The following MAPK10 variants were observed in gnomAD, a reference collection of about 807,000 sequenced individuals.
The protein encoded by MAPK10 is JNK3 alpha protein kinase.
Under a neutral mutation model 59.3 loss-of-function variants are expected in MAPK10, and 25 were observed. That is an observed-to-expected ratio of 0.42 (90% CI 0.31 to 0.59). The LOEUF (loss-of-function observed/expected upper bound fraction) is 0.59. Among genes scored for constraint, MAPK10 ranks in the 20% least tolerant of loss-of-function variants. The pLI is 0.15. For missense variants in MAPK10, 351 were observed against 568.9 expected, an observed-to-expected ratio of 0.62 and a Z score of 3.90; for synonymous variants, 190 against 200.5, an observed-to-expected ratio of 0.95 and a Z score of 0.44.
At position 86,269,608 on chromosome 4, in the gene MAPK10, C is replaced by T. The variant is rs149475781; in HGVS notation, c.-6-75201G>A. ...CCAGCCTCCTTCATTTATTAATTCA[C>T]ATTATTTTTTCCTCCCTGTCTCTAC... On this transcript the variant is annotated intron_variant, in intron 2 of 13. Coordinates refer to ENST00000641462, the MANE Select transcript of MAPK10 (RefSeq NM_138982.4). Among the ~76,000 whole-genome samples, 38 of 152,204 alleles carry T rather than the reference C, an allele frequency of 2.5e-4. No homozygotes were observed. The East Asian group carries it at 7.1e-3, about 29-fold the overall frequency.
chr4:86,225,858 C>A (rs1052487909), intron 2 of MAPK10, among the ~76,000 whole-genome samples: 3 of 152,154 alleles, frequency 2.0e-5, no homozygotes, highest in Admixed American at 2.0e-4. Flanking sequence ...ATACATTCTC[C>A]ATAAATGTTT....
At chr4:86,091,941 G>A (rs2053293510) in intron 9 of MAPK10, among the ~76,000 whole-genome samples, 1 of 151,920 alleles carries the variant, frequency 6.6e-6, no homozygotes, top group African/African-American at 2.4e-5. Context: ...CAAAGTGCTG[G>A]GATTACAGGC....
At position 86,428,792 on chromosome 4, in the gene MAPK10, T is replaced by C. The variant is rs1276876151; in HGVS notation, c.-122+24238A>G. Among the ~76,000 whole-genome samples the C allele has an allele frequency of 4.6e-5, 7 of 152,308 alleles. No homozygotes were observed. The South Asian group carries it at 6.2e-4, about 14-fold the overall frequency. On this transcript the variant is annotated intron_variant, in intron 1 of 13. Transcript: ENST00000361569. ...AAATTCTCCTCACCCACAAGGCATA[T>C]TCACAGTAAGCAGAATACAGCCCAA...
At chr4:86,460,157 C>T (rs1214025490) in intron 1 of MAPK10, among the ~76,000 whole-genome samples, 5 of 152,164 alleles carry the variant, frequency 3.3e-5, no homozygotes. Flanking sequence ...CTGAGATGTT[C>T]AGACTCCCCT....
At chr4:86,517,364 C>G (rs1403525484) in intron 1 of MAPK10, among the ~76,000 whole-genome samples, 2 of 150,494 alleles carry the variant, frequency 1.3e-5, no homozygotes, top group Non-Finnish European at 3.0e-5. Context: ...CAAGCTCCGC[C>G]TCCCGGGTTC....
At chr4:86,190,079 G>T (rs2079300718) in intron 3 of MAPK10, among the ~76,000 whole-genome samples, 1 of 152,108 alleles carries the variant, frequency 6.6e-6, no homozygotes, top group Admixed American at 6.6e-5. Flanking sequence ...AAACACCCTT[G>T]CATCCCAGGG....
chr4:86,317,751 T>C (rs1339124885), intron 2 of MAPK10, among the ~76,000 whole-genome samples: 4 of 152,356 alleles, frequency 2.6e-5, no homozygotes, highest in Middle Eastern at 3.4e-3. Flanking sequence ...TTATTTGCTA[T>C]ACTATTTTAG....
intron 1 of MAPK10, among the ~76,000 whole-genome samples, chr4:86,425,433 A>AT (rs1373351947): frequency 1.8e-5 from 2 of 113,790 alleles, no homozygotes; most frequent in East Asian, 2.8e-4. Flanking sequence ...ATTTTTCTGT[A>AT]TTAAAAAAAA....
intron 1 of MAPK10, among the ~76,000 whole-genome samples, chr4:86,445,533 T>G (rs1352255113): frequency 6.6e-6 from 1 of 152,094 alleles, no homozygotes; most frequent in African/African-American, 2.4e-5. Flanking sequence ...GTAACAAACC[T>G]GCACATCCTA....
chr4:86,136,672 T>A (rs1430455957), intron 4 of MAPK10, among the ~76,000 whole-genome samples: 36 of 149,774 alleles, frequency 2.4e-4, no homozygotes, highest in Middle Eastern at 6.8e-3. Context: ...AGGATCAAAT[T>A]CACACATAAC....
intron 1 of MAPK10, among the ~76,000 whole-genome samples, chr4:86,564,764 AG>A (rs1260315845): frequency 6.6e-6 from 1 of 152,118 alleles, no homozygotes; most frequent in Non-Finnish European, 1.5e-5. Flanking sequence ...AGCTCGGAAA[AG>A]GGTGCATTTT....
At chr4:86,283,427 C>G (rs2094890537) in intron 2 of MAPK10, among the ~76,000 whole-genome samples, 1 of 152,186 alleles carries the variant, frequency 6.6e-6, no homozygotes, top group South Asian at 2.1e-4. Context: ...AATTCAACAG[C>G]ACTCCAATAC....
chr4:86,428,154 T>C (rs537679081), intron 1 of MAPK10, among the ~76,000 whole-genome samples: 2 of 151,954 alleles, frequency 1.3e-5, no homozygotes, highest in Non-Finnish European at 1.5e-5. Flanking sequence ...TTTTTTTTTT[T>C]TGAGACAAGG....
chr4:86,572,943 T>C (rs968516682), intron 1 of MAPK10, among the ~76,000 whole-genome samples: 1 of 152,222 alleles, frequency 6.6e-6, no homozygotes, highest in Non-Finnish European at 1.5e-5. Context: ...TCTTCTTTAG[T>C]AAAATATTTG....
upstream of MAPK10, among the ~76,000 whole-genome samples, chr4:86,454,588 A>G (rs1751071918): frequency 6.6e-6 from 1 of 152,154 alleles, no homozygotes; most frequent in Non-Finnish European, 1.5e-5. Flanking sequence ...AAGACAAAAA[A>G]GAGTAAGAAA....
chr4:86,080,178 G>A (rs879263360), intron 9 of MAPK10: 4 of 151,630 alleles, frequency 2.6e-5, no homozygotes, highest in Admixed American at 6.6e-5. Flanking sequence ...TAAAATATTC[G>A]AAGAAACGAC....
chr4:86,054,433 C>T (rs940102075), intron 11 of MAPK10, among the ~76,000 whole-genome samples: 1 of 152,064 alleles, frequency 6.6e-6, no homozygotes, highest in Non-Finnish European at 1.5e-5. Flanking sequence ...ACTGGGCAAG[C>T]AAAATCTAAT....
chr4:86,364,610 T>C (rs1044090645), upstream of MAPK10, among the ~76,000 whole-genome samples: 1 of 152,188 alleles, frequency 6.6e-6, no homozygotes, highest in Non-Finnish European at 1.5e-5. Context: ...AAATTACTTT[T>C]CTAAAATTTG....
chr4:86,548,034 G>A (rs969424467), intron 1 of MAPK10, among the ~76,000 whole-genome samples: 8 of 152,158 alleles, frequency 5.3e-5, no homozygotes, highest in Admixed American at 2.6e-4. Context: ...GTGGCAACCC[G>A]CTCAGGTCCC....
Sources: allele counts gnomAD v4.1 joint callset (sites outside exome capture counted in the v4.1 genomes callset), GRCh38; gene constraint gnomAD v4.1.1; transcripts MANE v1.5; gene names NCBI Gene and HGNC (gene_info 2026-07-23, HGNC 2026-07-21).